AUTS2: variants seen among roughly 807,000 people sequenced by gnomAD.
AUTS2 encodes activator of transcription and developmental regulator AUTS2.
Under a neutral mutation model 112.4 loss-of-function variants are expected in AUTS2, and 17 were observed. The ratio of observed to expected loss-of-function variants is 0.15; its 90% CI spans 0.10 to 0.23. The LOEUF (loss-of-function observed/expected upper bound fraction) is 0.23. AUTS2 is among the 10% of genes least tolerant of loss of function. The pLI, the probability that AUTS2 is intolerant of heterozygous loss-of-function variation, is 1.00. For missense variants in AUTS2, 1,510 were observed against 1,701.6 expected, an observed-to-expected ratio of 0.89 and a Z score of 1.98; for synonymous variants, 751 against 702.7, an observed-to-expected ratio of 1.07 and a Z score of -1.09.
At chr7:69,671,137 G>A (rs889350911) in intron 1 of AUTS2, among the ~76,000 whole-genome samples, 4 of 152,202 alleles carry the variant, frequency 2.6e-5, no homozygotes, top group African/African-American at 9.6e-5. Context: ...TAACTAAGCA[G>A]TGTGGCTGCC....
chr7:70,099,580 A>G (rs1336702979), intron 2 of AUTS2, among the ~76,000 whole-genome samples: 1 of 151,662 alleles, frequency 6.6e-6, no homozygotes, highest in Non-Finnish European at 1.5e-5. Context: ...GGTTTCTGGG[A>G]CATAGGAAAT....
chr7:69,929,374 G>A (rs936065979), intron 2 of AUTS2, among the ~76,000 whole-genome samples: 2 of 151,422 alleles, frequency 1.3e-5, no homozygotes, highest in African/African-American at 2.4e-5. Flanking sequence ...TAGGTTTGTT[G>A]AGCTTCTTTG....
intron 4 of AUTS2, among the ~76,000 whole-genome samples, chr7:70,395,661 T>G (rs142749865): frequency 8.5e-4 from 130 of 152,324 alleles, no homozygotes; most frequent in African/African-American, 3.0e-3. Flanking sequence ...TGAAAGTTAG[T>G]TGACAGCTTT....
intron 2 of AUTS2, among the ~76,000 whole-genome samples, chr7:69,925,574 A>G (rs1382302935): frequency 1.3e-5 from 2 of 152,136 alleles, no homozygotes; most frequent in South Asian, 2.1e-4. Context: ...CAATTAATTA[A>G]TTAAGAGACA....
chr7:70,731,454 G>A (rs1328446140), intron 6 of AUTS2, among the ~76,000 whole-genome samples: 1 of 97,556 alleles, frequency 1.0e-5, no homozygotes, highest in Non-Finnish European at 1.8e-5. Flanking sequence ...TTTTGAGACA[G>A]AGTCTCGCTC....
At chr7:70,787,082 C>T (rs1210741681) in intron 17 of AUTS2, 127 bp from the exon 18 acceptor site, 1 of 878,812 alleles carries the variant, frequency 1.1e-6, no homozygotes, top group Non-Finnish European at 1.9e-6. Flanking sequence ...CTTTCCTTTT[C>T]CAGCTCCCAA....
rs541859295 is a variant in AUTS2 at position 70,198,400 on chromosome 7, G to A, written c.660+63829G>A. On this transcript the variant is annotated intron_variant, in intron 4 of 18. Transcript: ENST00000342771. ...AGACGATCAAATTACTCTGAGCTAC[G>A]GGATAACATTCAAACCAAAGGCAAA... 1.1e-4 allele frequency among the ~76,000 whole-genome samples: 16 copies of A among 152,112 alleles called. No homozygotes were observed. In the South Asian group the frequency reaches 2.3e-3, roughly 22 times the overall value.
intron 4 of AUTS2, among the ~76,000 whole-genome samples, chr7:70,401,099 C>T (rs766127719): frequency 9.9e-5 from 15 of 151,990 alleles, no homozygotes; most frequent in Non-Finnish European, 1.8e-4. Context: ...GACTGGGCAA[C>T]GAATTTGATG....
chr7:70,587,062 C>G (rs1383920427), intron 5 of AUTS2, among the ~76,000 whole-genome samples: 2 of 152,094 alleles, frequency 1.3e-5, no homozygotes, highest in Non-Finnish European at 2.9e-5. Context: ...GAGCAGCATT[C>G]CATATGGCAA....
At chr7:70,168,104 CTTTCTGATACATTA>C (rs773497557) in intron 4 of AUTS2, among the ~76,000 whole-genome samples, 1 of 152,188 alleles carries the variant, frequency 6.6e-6, no homozygotes, top group Non-Finnish European at 1.5e-5. Flanking sequence ...ACACTTGAAG[CTTTCTGATACATTA>C]TTAAGGAAGT....
At chr7:70,008,507 C>G (rs1799647401) in intron 2 of AUTS2, among the ~76,000 whole-genome samples, 2 of 151,994 alleles carry the variant, frequency 1.3e-5, no homozygotes, top group African/African-American at 4.8e-5. Flanking sequence ...GTGTCAGTGG[C>G]CTGTGTATGG....
chr7:70,256,601 ATCTGCTTGCGT>A (rs1341091329), intron 4 of AUTS2, among the ~76,000 whole-genome samples: 3 of 152,180 alleles, frequency 2.0e-5, no homozygotes, highest in Admixed American at 6.5e-5. Context: ...AGTTGGTATT[ATCTGCTTGCGT>A]TCAGAAAACA....
At chr7:69,846,284 T>G (rs1792197714) in intron 1 of AUTS2, among the ~76,000 whole-genome samples, 1 of 152,208 alleles carries the variant, frequency 6.6e-6, no homozygotes, top group Non-Finnish European at 1.5e-5. Flanking sequence ...AAGACCACAT[T>G]AGCCTTTTTG....
chr7:70,153,650 G>C (rs1360266500), intron 4 of AUTS2, among the ~76,000 whole-genome samples: 1 of 152,176 alleles, frequency 6.6e-6, no homozygotes, highest in Non-Finnish European at 1.5e-5. Flanking sequence ...TTAACACCCT[G>C]AGATGTCTGC....
intron 5 of AUTS2, among the ~76,000 whole-genome samples, chr7:70,454,307 G>A (rs538369003): frequency 5.9e-5 from 9 of 152,250 alleles, no homozygotes; most frequent in African/African-American, 1.9e-4. Flanking sequence ...GGCCGAGGCG[G>A]GTGGATCACC....
chr7:70,734,078 C>T (rs1787624376), intron 6 of AUTS2, among the ~76,000 whole-genome samples: 1 of 152,112 alleles, frequency 6.6e-6, no homozygotes, highest in South Asian at 2.1e-4. Flanking sequence ...CCTTGATTCT[C>T]ATACTCAAGC....
intron 5 of AUTS2, among the ~76,000 whole-genome samples, chr7:70,550,472 G>C (rs1173784560): frequency 6.6e-6 from 1 of 152,132 alleles, no homozygotes; most frequent in Admixed American, 6.5e-5. Context: ...ATAATCCTGT[G>C]TCCTCAAAGA....
At position 70,790,010 on chromosome 7, in the gene AUTS2, G is replaced by A; in HGVS notation, c.2794G>A (p.Glu932Lys). ...CCACGAGGGGCGCGCCGCGGGCGAA[G>A]AGGCCAAGCAGCTGGCCCGGGTGCC... ...HGHEGRAAGEEAKQLARVPSP... is the reference protein window; with the variant it reads ...HGHEGRAAGEKAKQLARVPSP... The change falls in exon 19 of 19, where the codon GAG (glutamate) becomes AAG (lysine). Residue 932 changes from glutamate (E) to lysine (K), a missense_variant. Coordinates refer to ENST00000342771, the MANE Select transcript of AUTS2 (RefSeq NM_015570.4). This position sits in a 1 kb window ranked among gnomAD's most constrained non-coding sequence, Gnocchi z 7.6. The A allele has an allele frequency of 6.3e-7, 1 of 1,595,742 alleles. No homozygotes were observed. The highest frequency in any genetic ancestry group is 8.5e-7 in the Non-Finnish European group (1 of 1,171,618).
chr7:70,720,213 T>A (rs1585567457), intron 6 of AUTS2, among the ~76,000 whole-genome samples: 1 of 147,962 alleles, frequency 6.8e-6, no homozygotes, highest in Admixed American at 6.8e-5. Flanking sequence ...TTTTTTTTTT[T>A]AATGCCACCA....
Sources: allele counts gnomAD v4.1 joint callset (sites outside exome capture counted in the v4.1 genomes callset), GRCh38; gene constraint gnomAD v4.1.1; non-coding constraint Gnocchi (gnomAD v3.1); transcripts MANE v1.5; gene names NCBI Gene and HGNC (gene_info 2026-07-23, HGNC 2026-07-21).